The following ITPR1 variants were observed in gnomAD, a reference collection of about 807,000 sequenced individuals.
ITPR1 encodes inositol 1,4,5-trisphosphate receptor type 1, also known as inositol 1,4,5-trisphosphate-gated calcium channel ITPR1.
A neutral mutation model predicts 318.4 loss-of-function variants in ITPR1; 96 were observed. The observed-to-expected ratio is 0.30, with a 90% CI of 0.26 to 0.36. The LOEUF is 0.36. Ranked by LOEUF, ITPR1 falls within the 10% of genes least tolerant of loss-of-function variation. The pLI is 1.00. For missense variants in ITPR1, 2,440 were observed against 3,460.2 expected, an observed-to-expected ratio of 0.71 and a Z score of 7.40; for synonymous variants, 1,312 against 1,289.9, an observed-to-expected ratio of 1.02 and a Z score of -0.37.
intron 2 of ITPR1, among the ~76,000 whole-genome samples, chr3:4,499,886 G>C (rs1488504397): frequency 6.6e-6 from 1 of 152,132 alleles, no homozygotes; most frequent in Non-Finnish European, 1.5e-5. Context: ...GTCTTCCTGT[G>C]CCAGCCTTCC....
intron 54 of ITPR1, among the ~76,000 whole-genome samples, chr3:4,805,011 T>A (rs1043892496): frequency 6.6e-6 from 1 of 152,172 alleles, no homozygotes; most frequent in Admixed American, 6.5e-5. Flanking sequence ...TTGCTAGAGA[T>A]GGACTTCCAG....
chr3:4,618,634 G>C (rs543608189), intron 4 of ITPR1, among the ~76,000 whole-genome samples: 25 of 152,154 alleles, frequency 1.6e-4, no homozygotes, highest in South Asian at 1.0e-3. Flanking sequence ...AGCGTTTACC[G>C]AGTCTTCCCT....
rs953445377 is a variant in ITPR1 at position 4,594,926 on chromosome 3, G to A, written c.164-32837G>A. 8.0e-5 allele frequency among the ~76,000 whole-genome samples: 9 copies of A among 112,104 alleles called. No individual in the cohort carries two copies. In the East Asian group the frequency reaches 1.8e-3, roughly 22 times the overall value. 73.5% of individuals were successfully genotyped at this position (112,104 alleles called of 152,430 possible). A position where few individuals can be genotyped will look rare whatever the true frequency, so the allele number is the denominator to read the frequency against. On this transcript the variant is annotated intron_variant, in intron 4 of 61. Transcript: ENST00000649015. ...TAGATCGTATCACCCTGGATGAGGA[G>A]GGGGAAGTATAGCAAAGTGGTTAAG... is the stretch of plus-strand genomic sequence containing the variant.
Position 4,847,506 on chromosome 3 carries a change from A to T in ITPR1, c.*1281A>T, listed in dbSNP as rs1248308062. 6.6e-6 allele frequency: 1 copy of T among 152,118 alleles called. No individual in the cohort carries two copies. The highest frequency in any genetic ancestry group is 2.4e-5 in the African/African-American group (1 of 41,408). 9.4% of individuals were successfully genotyped at this position (152,118 alleles called of 1,614,324 possible). On this transcript the variant is annotated 3_prime_UTR_variant, in exon 62 of 62. Transcript: ENST00000649015. ...AATAAATGATGCAGAATATACAGTG[A>T]CTGGTTGGTGGCTTTCATTTGGCAT...
chr3:4,716,122 T>G (rs752247328), intron 39 of ITPR1, among the ~76,000 whole-genome samples: 1 of 152,210 alleles, frequency 6.6e-6, no homozygotes, highest in Non-Finnish European at 1.5e-5. Context: ...TTAATAAACT[T>G]TAAAATTATA....
At chr3:4,503,262 G>A (rs2081161431) in intron 2 of ITPR1, among the ~76,000 whole-genome samples, 1 of 152,132 alleles carries the variant, frequency 6.6e-6, no homozygotes, top group South Asian at 2.1e-4. Flanking sequence ...ATCAGGTAGT[G>A]AAACCAAGCT....
chr3:4,588,454 G>C (rs2090109075), intron 4 of ITPR1, among the ~76,000 whole-genome samples: 2 of 152,040 alleles, frequency 1.3e-5, no homozygotes, highest in Admixed American at 6.6e-5. Context: ...TGCAGACACA[G>C]TTCTCTGCTG....
At chr3:4,584,757 C>A (rs2089711962) in intron 4 of ITPR1, among the ~76,000 whole-genome samples, 1 of 151,932 alleles carries the variant, frequency 6.6e-6, no homozygotes, top group Non-Finnish European at 1.5e-5. Flanking sequence ...CCCTTCCAGC[C>A]CTGCCTGTCA....
Position 4,662,259 on chromosome 3 carries a change from G to C in ITPR1, c.1412+17G>C. The C allele has an allele frequency of 1.3e-6, 2 of 1,565,000 alleles. No homozygotes were observed. Among genetic ancestry groups the C allele is most frequent in the Non-Finnish European group, 1.7e-6 (2 of 1,153,656 alleles). On this transcript the variant is annotated intron_variant, in intron 15 of 61. Coordinates refer to ENST00000649015, the MANE Select transcript of ITPR1 (RefSeq NM_001378452.1). ...TGAAAGGAGGTGAGCACTCCCGCAT[G>C]CTCAGCACAGCCGCCCTCCCGCACT...
chr3:4,712,955 A>T (rs1324268853), intron 39 of ITPR1, among the ~76,000 whole-genome samples: 1 of 152,208 alleles, frequency 6.6e-6, no homozygotes, highest in African/African-American at 2.4e-5. Context: ...TTGCAGAGAA[A>T]ACCTGCCAGA....
intron 31 of ITPR1, 121 bp downstream of exon 31, chr3:4,688,741 C>A: frequency 1.1e-6 from 1 of 897,830 alleles, no homozygotes; most frequent in Non-Finnish European, 1.7e-6. Context: ...ACATTCATTC[C>A]AAAGGGGAAC....
chr3:4,747,137 A>G (rs2044166790), intron 44 of ITPR1, among the ~76,000 whole-genome samples: 1 of 152,228 alleles, frequency 6.6e-6, no homozygotes, highest in Non-Finnish European at 1.5e-5. Context: ...AAATAGCCTT[A>G]TGATGGCAGC....
chr3:4,608,603 G>A (rs539696730), intron 4 of ITPR1, among the ~76,000 whole-genome samples: 2 of 152,068 alleles, frequency 1.3e-5, no homozygotes, highest in African/African-American at 4.8e-5. Context: ...TAGAACTAGG[G>A]AGTGGGGTGC....
chr3:4,728,320 G>A lies in ITPR1; in HGVS notation c.5220+1147G>A, dbSNP rs553169801. Among the ~76,000 whole-genome samples, 5 of 152,312 alleles carry A rather than the reference G, an allele frequency of 3.3e-5. No individual in the cohort carries two copies. The East Asian group carries it at 7.7e-4, about 23-fold the overall frequency. The stretch of plus-strand genomic sequence containing the variant: ...TGTCCTGGTGACACAGGCTTCATCC[G>A]CATTTCACAAGTAGGACCTTGAGAC... On this transcript the variant is annotated intron_variant, in intron 42 of 61. Transcript: ENST00000649015.
intron 44 of ITPR1, among the ~76,000 whole-genome samples, chr3:4,739,842 A>T (rs1444734044): frequency 6.6e-6 from 1 of 152,182 alleles, no homozygotes; most frequent in Non-Finnish European, 1.5e-5. Flanking sequence ...GTGGTCACTC[A>T]TATGACTGTG....
intron 53 of ITPR1, among the ~76,000 whole-genome samples, chr3:4,798,372 C>T (rs2048023283): frequency 6.6e-6 from 1 of 152,164 alleles, no homozygotes; most frequent in Admixed American, 6.5e-5. Context: ...CACTAGTTAT[C>T]AGGGAAATGT....
At chr3:4,738,497 T>G (rs1314251831) in intron 44 of ITPR1, among the ~76,000 whole-genome samples, 2 of 152,188 alleles carry the variant, frequency 1.3e-5, no homozygotes, top group Non-Finnish European at 2.9e-5. Flanking sequence ...GAGGCCCCAT[T>G]CGGTTCTGGG....
chr3:4,796,339 T>C (rs1482047512), intron 53 of ITPR1, among the ~76,000 whole-genome samples: 2 of 151,950 alleles, frequency 1.3e-5, no homozygotes, highest in Non-Finnish European at 2.9e-5. Context: ...TGAATGCCCG[T>C]GTCTATGTCT....
At chr3:4,829,783 G>A (rs886237365) in intron 60 of ITPR1, among the ~76,000 whole-genome samples, 7 of 151,870 alleles carry the variant, frequency 4.6e-5, no homozygotes, top group Non-Finnish European at 8.8e-5. Context: ...CAAATGACAC[G>A]TATCCACCTT....
Sources: allele counts gnomAD v4.1 joint callset (sites outside exome capture counted in the v4.1 genomes callset), GRCh38; gene constraint gnomAD v4.1.1; transcripts MANE v1.5; gene names NCBI Gene and HGNC (gene_info 2026-07-23, HGNC 2026-07-21).